Variants in PAXIP1 observed in about 807,000 individuals in gnomAD.
The protein encoded by PAXIP1 is PAX-interacting protein 1.
PAXIP1 carries 19 observed loss-of-function variants against 140.6 expected under a neutral mutation model. The ratio of observed to expected loss-of-function variants is 0.14; its 90% CI spans 0.09 to 0.20. The LOEUF is 0.20. PAXIP1 is among the 10% of genes least tolerant of loss of function. The pLI is 1.00. For synonymous variants in PAXIP1, 442 were observed against 444.6 expected (o/e 0.99, Z 0.07); for missense variants, 920 against 1,208.6 (o/e 0.76, Z 3.54).
At chr7:154,977,991 T>TTTTTAATG (rs1809675472) in intron 5 of PAXIP1, among the ~76,000 whole-genome samples, 3 of 128,618 alleles carry the variant, frequency 2.3e-5, no homozygotes, top group African/African-American at 1.3e-4. Context: ...GCAGACCAAA[T>TTTTTAATG]TAGAGACTAG....
chr7:154,961,431 C>T (rs1021447370), intron 11 of PAXIP1, 96 bp downstream of exon 11: 15 of 1,022,936 alleles, frequency 1.5e-5, no homozygotes, highest in African/African-American at 3.2e-5. Flanking sequence ...ATTTCTACCA[C>T]AAAACTATGA....
intron 1 of PAXIP1, among the ~76,000 whole-genome samples, chr7:154,999,357 G>A (rs1810782099): frequency 6.6e-6 from 1 of 152,200 alleles, no homozygotes; most frequent in African/African-American, 2.4e-5. Context: ...TGGGGTATAT[G>A]CAGGGCCACT....
At chr7:154,945,404 G>T in intron 20 of PAXIP1, 1 of 301,354 alleles carries the variant, frequency 3.3e-6, no homozygotes, top group Non-Finnish European at 4.9e-6. Flanking sequence ...CTGGATGAAT[G>T]TCAGTGTATT....
chr7:154,961,481 T>A (rs772782290), intron 11 of PAXIP1, 46 bp downstream of exon 11: 1 of 1,486,150 alleles, frequency 6.7e-7, no homozygotes. Context: ...AGCCACTATA[T>A]TGTGTGTAAA....
rs1226904983 is a variant in PAXIP1, at chr7:154,959,940, A to G, written c.2435-7T>C. On this transcript the variant is annotated splice_region_variant and splice_polypyrimidine_tract_variant and intron_variant, in intron 12 of 20. Transcript: ENST00000404141. ...AAGGGAACTCTCCAAGCATCTAAAG[A>G]GAGAAACACATTATTTTTTATGATA... 1 of 1,586,398 alleles carries G rather than the reference A, an allele frequency of 6.3e-7. No homozygotes were observed. Among genetic ancestry groups the G allele is most frequent in the Non-Finnish European group, 8.7e-7 (1 of 1,155,736 alleles).
intron 6 of PAXIP1, among the ~76,000 whole-genome samples, chr7:154,974,875 T>G (rs982580975): frequency 6.6e-6 from 1 of 151,806 alleles, no homozygotes; most frequent in East Asian, 1.9e-4. Flanking sequence ...CCATGCGTGG[T>G]GGCTCACACC....
In PAXIP1 at chr7:154,944,072, A is replaced by C; in HGVS notation, c.*77T>G. The C allele has an allele frequency of 7.2e-7, 1 of 1,397,238 alleles. No homozygotes were observed. Among genetic ancestry groups the C allele is most frequent in the Non-Finnish European group, 1.0e-6 (1 of 988,830 alleles). 86.6% of individuals were successfully genotyped at this position (1,397,238 alleles called of 1,614,324 possible). On this transcript the variant is annotated 3_prime_UTR_variant, in exon 21 of 21. Coordinates refer to ENST00000404141, the MANE Select transcript of PAXIP1 (RefSeq NM_007349.4). Reference sequence around the variant, plus strand: ...GCTGGAAAACAAGAGCATGTGAAGGAAGCGCAGCAGCTCCTCGCCAGCCAG... The same window carrying C: ...GCTGGAAAACAAGAGCATGTGAAGGCAGCGCAGCAGCTCCTCGCCAGCCAG...
At chr7:154,995,699 A>G (rs1810561801) in intron 2 of PAXIP1, among the ~76,000 whole-genome samples, 1 of 152,134 alleles carries the variant, frequency 6.6e-6, no homozygotes, top group Non-Finnish European at 1.5e-5. Flanking sequence ...AAAACACAAA[A>G]GTTAGCCGGG....
At chr7:154,966,174 TA>T (rs1357794261) in intron 8 of PAXIP1, among the ~76,000 whole-genome samples, 1 of 152,234 alleles carries the variant, frequency 6.6e-6, no homozygotes, top group Non-Finnish European at 1.5e-5. Context: ...TTATGACTGA[TA>T]GGCTCTATAG....
intron 5 of PAXIP1, among the ~76,000 whole-genome samples, chr7:154,979,624 G>T (rs1378598789): frequency 8.0e-6 from 1 of 125,212 alleles, no homozygotes; most frequent in African/African-American, 3.0e-5. Flanking sequence ...TAACATAATC[G>T]TGAATCAAGA....
Position 155,002,850 on chromosome 7 carries a change from T to A in PAXIP1, c.80A>T (p.Gln27Leu). ...KYYAVGDIDP[Q>L]VIQLLKAGKA... The stretch of plus-strand genomic sequence containing the variant: ...CCGCGGCAGGGGCGGGCGCGGTACC[T>A]GCGGGTCGATGTCGCCCACCGCGTA... Residue 27 changes from glutamine (Q) to leucine (L), a missense_variant and splice_region_variant, in exon 1 of 21, where the codon CAG becomes CTG. Coordinates refer to ENST00000404141, the MANE Select transcript of PAXIP1 (RefSeq NM_007349.4). 7.2e-7 allele frequency: 1 copy of A among 1,386,568 alleles called. No homozygotes were observed. The highest frequency in any genetic ancestry group is 1.4e-5 in the South Asian group (1 of 70,160). The allele number at this position is 1,386,568 out of a possible 1,614,324, so 85.9% of individuals were successfully genotyped here.
In PAXIP1 at chr7:154,985,438, C is replaced by A. The variant is rs559070449; in HGVS notation, c.325-2106G>T. On this transcript the variant is annotated intron_variant, in intron 4 of 20. Coordinates refer to ENST00000404141, the MANE Select transcript of PAXIP1 (RefSeq NM_007349.4). ...CTCCTGCCCATGAGCACTGCCCCCA[C>A]GTGCACCTGCCGTCCTCACCACGTT... 3.9e-4 allele frequency among the ~76,000 whole-genome samples: 60 copies of A among 152,278 alleles called. No individual in the cohort carries two copies. In the South Asian group the frequency reaches 4.8e-3, roughly 12 times the overall value.
At chr7:154,992,552 G>A (rs1810389624) in intron 3 of PAXIP1, among the ~76,000 whole-genome samples, 1 of 150,878 alleles carries the variant, frequency 6.6e-6, no homozygotes, top group Non-Finnish European at 1.5e-5. Context: ...CCGAGATCGT[G>A]CCACTGGACT....
At chr7:154,995,727 G>A (rs1318158469) in intron 2 of PAXIP1, among the ~76,000 whole-genome samples, 1 of 152,132 alleles carries the variant, frequency 6.6e-6, no homozygotes, top group Non-Finnish European at 1.5e-5. Context: ...GCACACGCCT[G>A]TAGTCCCAGC....
rs749788206 is a variant in PAXIP1, at chr7:154,990,037, C to CTTTTT, written c.324+964_324+968dup. Among the ~76,000 whole-genome samples, 37 of 109,932 alleles carry CTTTTT rather than the reference C, an allele frequency of 3.4e-4. 1 individual carries two copies. Among genetic ancestry groups the CTTTTT allele is most frequent in the Admixed American group, 4.4e-4 (4 of 9,134 alleles). 72.1% of individuals were successfully genotyped at this position (109,932 alleles called of 152,430 possible). A position where few individuals can be genotyped will look rare whatever the true frequency, so the allele number is the denominator to read the frequency against. On this transcript the variant is annotated intron_variant, in intron 4 of 20. Transcript: ENST00000404141. ...TTCTATCGACTTGGGATAAGTTTCT[C>CTTTTT]TTTTTTTTTTTTTTTTTTTTTGAGA...
chr7:154,984,281 C>T (rs1307550660), intron 4 of PAXIP1, among the ~76,000 whole-genome samples: 1 of 151,970 alleles, frequency 6.6e-6, no homozygotes, highest in Non-Finnish European at 1.5e-5. Flanking sequence ...GTCTGAAAAG[C>T]AAAAGAACAT....
Position 154,961,022 on chromosome 7 carries a change from C to T in PAXIP1, c.2305G>A (p.Ala769Thr), listed in dbSNP as rs771422721. 8 of 1,601,534 alleles carry T rather than the reference C, an allele frequency of 5.0e-6. No individual in the cohort carries two copies. The highest frequency in any genetic ancestry group is 6.0e-6 in the Non-Finnish European group (7 of 1,173,570). ...AGAAGAATGTCGCCAAGCCACTGGGCGTTGACACAGGGTATCCTCCACTCT... is the reference window on the plus strand; with the variant it reads ...AGAAGAATGTCGCCAAGCCACTGGGTGTTGACACAGGGTATCCTCCACTCT... Reference protein sequence around the residue: ...AKEWRIPCVNAQWLGDILLGN... With the variant: ...AKEWRIPCVNTQWLGDILLGN... Residue 769 changes from alanine (A) to threonine (T), a missense_variant, in exon 12 of 21, where the codon GCC becomes ACC. Physicochemically the swap from Ala to Thr is moderately conservative, Grantham distance 58. This residue lies in a region of PAXIP1 where 303 missense variants were observed against 517.9 expected (regional missense o/e 0.59). Coordinates refer to ENST00000404141, the MANE Select transcript of PAXIP1 (RefSeq NM_007349.4).
chr7:154,993,726 G>A lies in PAXIP1; in HGVS notation c.260C>T (p.Pro87Leu). The part of the protein sequence containing the change: ...ILSVQCGTLL[P>L]VNGFSPESCQ... Reference sequence around the variant, plus strand: ...CTCCCCCACTCAAAAAAAAGGATACGGCAGAAGAGTTCCACACTGAACGGA... The same window carrying A: ...CTCCCCCACTCAAAAAAAAGGATACAGCAGAAGAGTTCCACACTGAACGGA... The change falls in exon 3 of 21, where the codon CCA (proline) becomes CTA (leucine). Residue 87 changes from proline (P) to leucine (L), a missense_variant and splice_region_variant. Transcript: ENST00000404141. 1.9e-6 allele frequency: 3 copies of A among 1,591,302 alleles called. No homozygotes were observed. Among genetic ancestry groups the A allele is most frequent in the African/African-American group, 1.3e-5 (1 of 74,272 alleles).
chr7:154,959,870 A>T lies in PAXIP1; in HGVS notation c.2478+20T>A, dbSNP rs531767595. ...TAATAATACAGTAATAGCCAAGGTA[A>T]GGTTATTAATTTGACATACCATCAA... is the stretch of plus-strand genomic sequence containing the variant. On this transcript the variant is annotated intron_variant, in intron 13 of 20. Transcript: ENST00000404141. The T allele has an allele frequency of 6.5e-7, 1 of 1,528,606 alleles. No homozygotes were observed. The highest frequency in any genetic ancestry group is 1.1e-5 in the South Asian group (1 of 89,034). The allele number at this position is 1,528,606 out of a possible 1,614,324, so 94.7% of individuals were successfully genotyped here.
Sources: allele counts gnomAD v4.1 joint callset (sites outside exome capture counted in the v4.1 genomes callset), GRCh38; gene constraint gnomAD v4.1.1; regional missense constraint gnomAD v4.1.1; transcripts MANE v1.5; gene names NCBI Gene and HGNC (gene_info 2026-07-23, HGNC 2026-07-21).